Variants in METTL25 observed in about 807,000 individuals in gnomAD.
METTL25 encodes methyltransferase like 25.
In METTL25, 64 loss-of-function variants were observed where a neutral mutation model predicts 71.6. The observed-to-expected ratio is 0.89, with a 90% confidence interval of 0.73 to 1.10. The LOEUF (loss-of-function observed/expected upper bound fraction) is 1.10. METTL25 is among the 50% of genes least tolerant of loss of function. The probability of loss-of-function intolerance (pLI) is 0.00; values close to 1 mark genes in which losing one functional copy is unlikely to be tolerated. For missense variants in METTL25, 807 were observed against 707.0 expected, an observed-to-expected ratio of 1.14 and a Z score of -1.60; for synonymous variants, 287 against 250.3, an observed-to-expected ratio of 1.15 and a Z score of -1.38.
At chr12:82,432,053 A>G (rs1889544340) in intron 6 of METTL25, among the ~76,000 whole-genome samples, 2 of 151,738 alleles carry the variant, frequency 1.3e-5, no homozygotes, top group African/African-American at 4.8e-5. Flanking sequence ...TATAAACATC[A>G]TGTTGTATAC....
chr12:82,399,481 C>A, intron 4 of METTL25, 87 bp downstream of exon 4: 2 of 1,027,508 alleles, frequency 1.9e-6, no homozygotes, highest in Non-Finnish European at 2.8e-6. Flanking sequence ...ACATATCTTA[C>A]TTGATCACAT....
At chr12:82,379,129 T>G (rs1296590082) in intron 1 of METTL25, among the ~76,000 whole-genome samples, 1 of 152,132 alleles carries the variant, frequency 6.6e-6, no homozygotes, top group Admixed American at 6.5e-5. Flanking sequence ...TAAAGAGAGA[T>G]ATTGGTCTTC....
intron 5 of METTL25, among the ~76,000 whole-genome samples, chr12:82,417,557 C>T (rs1888092816): frequency 6.6e-6 from 1 of 152,088 alleles, no homozygotes; most frequent in Non-Finnish European, 1.5e-5. Flanking sequence ...TACCTTTTTT[C>T]TAACAAAAGG....
chr12:82,392,663 C>T lies in METTL25; in HGVS notation c.531+2741C>T, dbSNP rs543822934. ...CATTTTTGTCCATTGCCCATTTTTG[C>T]TGTGGTTGCCTATGCTTTTGAGGTC... On this transcript the variant is annotated intron_variant, in intron 3 of 11. Coordinates refer to ENST00000248306, the MANE Select transcript of METTL25 (RefSeq NM_032230.3). Among the ~76,000 whole-genome samples the T allele has an allele frequency of 2.4e-4, 37 of 152,020 alleles. No homozygotes were observed. In the South Asian group the frequency reaches 4.6e-3, roughly 19 times the overall value.
chr12:82,461,793 C>T (rs2137272742), intron 9 of METTL25, among the ~76,000 whole-genome samples: 1 of 152,240 alleles, frequency 6.6e-6, no homozygotes, highest in East Asian at 1.9e-4. Context: ...GAAAGTCTGG[C>T]TGATGGGACA....
At chr12:82,474,644 T>C (rs999162094) in intron 9 of METTL25, 4 of 152,226 alleles carry the variant, frequency 2.6e-5, no homozygotes, top group African/African-American at 9.7e-5. Flanking sequence ...CAGGTTTGCA[T>C]ATGGTTTCAC....
At chr12:82,375,924 C>A (rs1018324302) in intron 1 of METTL25, among the ~76,000 whole-genome samples, 1 of 152,162 alleles carries the variant, frequency 6.6e-6, no homozygotes, top group Admixed American at 6.5e-5. Context: ...GTGGCCAGTA[C>A]AACAGGTATG....
intron 1 of METTL25, among the ~76,000 whole-genome samples, chr12:82,376,122 G>A (rs117185507): frequency 0.033 from 5,009 of 152,264 alleles, 92 homozygotes; most frequent in Admixed American, 0.041. Flanking sequence ...CATGCTCTGA[G>A]CATTGCTCAA....
intron 1 of METTL25, among the ~76,000 whole-genome samples, chr12:82,385,158 A>T (rs566032495): frequency 6.6e-6 from 1 of 152,226 alleles, no homozygotes; most frequent in South Asian, 2.1e-4. Flanking sequence ...ATATCTGCTG[A>T]TTTTATTCAT....
chr12:82,403,280 T>TA (rs1886805598), intron 5 of METTL25, 150 bp downstream of exon 5: 6 of 709,292 alleles, frequency 8.5e-6, no homozygotes, highest in South Asian at 6.5e-5. Flanking sequence ...CTTTTAGTGT[T>TA]ACGGTGTTAT....
At chr12:82,474,604 A>T (rs1236642061) in intron 9 of METTL25, 1 of 151,964 alleles carries the variant, frequency 6.6e-6, no homozygotes, top group Non-Finnish European at 1.5e-5. Flanking sequence ...GGACATTTTT[A>T]GTTTGATTTG....
At position 82,458,259 on chromosome 12, in the gene METTL25, A is replaced by G. The variant is rs1592756941; in HGVS notation, c.1572+1439A>G. The stretch of plus-strand genomic sequence containing the variant: ...AACATTACCTTACTTACTTTGCACA[A>G]AAACATTTACAGTGGATAGCTTCCA... On this transcript the variant is annotated intron_variant, in intron 9 of 11. Transcript: ENST00000248306. 2.6e-5 allele frequency among the ~76,000 whole-genome samples: 4 copies of G among 152,304 alleles called. No homozygotes were observed. The South Asian group carries it at 8.3e-4, about 32-fold the overall frequency.
At chr12:82,465,835 G>A (rs938903930) in intron 9 of METTL25, among the ~76,000 whole-genome samples, 1 of 151,920 alleles carries the variant, frequency 6.6e-6, no homozygotes, top group Non-Finnish European at 1.5e-5. Context: ...CTGGTAGGTT[G>A]TATGTGTCTA....
chr12:82,439,992 G>A (rs906626062), intron 8 of METTL25: 6 of 186,202 alleles, frequency 3.2e-5, no homozygotes, highest in African/African-American at 7.2e-5. Context: ...AAGACAGCTC[G>A]TATTTATTAG....
chr12:82,403,784 A>G lies in METTL25; in HGVS notation c.1279+654A>G, dbSNP rs370426805. 5.3e-5 allele frequency among the ~76,000 whole-genome samples: 8 copies of G among 152,156 alleles called. No individual in the cohort carries two copies. The East Asian group carries it at 7.7e-4, about 15-fold the overall frequency. Reference sequence around the variant, plus strand: ...TCCATTTTACATGTTAAATCTTTCCATAAGATATTGTAAAATATGATTTCA... The same window carrying G: ...TCCATTTTACATGTTAAATCTTTCCGTAAGATATTGTAAAATATGATTTCA... On this transcript the variant is annotated intron_variant, in intron 5 of 11. Transcript: ENST00000248306.
At chr12:82,376,360 C>T (rs552439858) in intron 1 of METTL25, among the ~76,000 whole-genome samples, 3 of 152,246 alleles carry the variant, frequency 2.0e-5, no homozygotes, top group Middle Eastern at 3.4e-3. Context: ...TTTGATAATT[C>T]TCTGCAAGAA....
At chr12:82,372,080 T>C (rs922849090) in intron 1 of METTL25, among the ~76,000 whole-genome samples, 1 of 152,202 alleles carries the variant, frequency 6.6e-6, no homozygotes, top group Non-Finnish European at 1.5e-5. Context: ...AAAGCTGCAT[T>C]CTTTTCATTA....
At chr12:82,463,740 A>G (rs1241174476) in intron 9 of METTL25, among the ~76,000 whole-genome samples, 1 of 151,868 alleles carries the variant, frequency 6.6e-6, no homozygotes, top group Non-Finnish European at 1.5e-5. Flanking sequence ...ATCCTTGCCA[A>G]CATTTGTTAT....
At chr12:82,381,064 A>G (rs965809763) in intron 1 of METTL25, among the ~76,000 whole-genome samples, 2 of 152,248 alleles carry the variant, frequency 1.3e-5, no homozygotes, top group Non-Finnish European at 2.9e-5. Flanking sequence ...TGTTGTCTGC[A>G]TACACTATAA....
Sources: gnomAD v4.1 joint callset for allele counts (sites outside exome capture counted in the v4.1 genomes callset) on GRCh38, gnomAD v4.1.1 for gene constraint, MANE v1.5 for transcripts, NCBI Gene and HGNC (gene_info 2026-07-23, HGNC 2026-07-21) for gene names.